CRACD: variants seen among roughly 807,000 people sequenced by gnomAD.
CRACD encodes the protein capping protein inhibiting regulator of actin dynamics.
In CRACD, 56 loss-of-function variants were observed where a neutral mutation model predicts 106.8. The ratio of observed to expected loss-of-function variants is 0.52; its 90% confidence interval spans 0.42 to 0.66. The LOEUF (loss-of-function observed/expected upper bound fraction) is 0.66. Ranked by LOEUF, CRACD falls within the 30% of genes least tolerant of loss-of-function variation. The pLI, the probability that CRACD is intolerant of heterozygous loss-of-function variation, is 0.00. For synonymous variants in CRACD, 754 were observed against 670.8 expected, an observed-to-expected ratio of 1.12 and a Z score of -1.92; for missense variants, 1,730 against 1,623.2, an observed-to-expected ratio of 1.07 and a Z score of -1.13.
chr4:56,184,983 G>A (rs1737020093), intron 2 of CRACD, among the ~76,000 whole-genome samples: 1 of 152,132 alleles, frequency 6.6e-6, no homozygotes, highest in Non-Finnish European at 1.5e-5. Context: ...TTGAGACGGA[G>A]TCTTGCTCAG....
Position 56,220,622 on chromosome 4 carries a change from A to AT in CRACD, c.-189+41204dup, listed in dbSNP as rs930827776. On this transcript the variant is annotated intron_variant, in intron 2 of 10. Transcript: ENST00000682029. Reference sequence around the variant, plus strand: ...AAATTCTTTGCAAGCCCGGCTTTTGATTTTTTTTTTTTGGAATTCCATTCT... The same window carrying AT: ...AAATTCTTTGCAAGCCCGGCTTTTGATTTTTTTTTTTTTGGAATTCCATTCT... Among the ~76,000 whole-genome samples, 489 of 145,402 alleles carry AT rather than the reference A, an allele frequency of 3.4e-3. 1 individual carries two copies. The highest frequency in any genetic ancestry group is 7.9e-3 in the African/African-American group (314 of 39,786).
intron 1 of CRACD, among the ~76,000 whole-genome samples, chr4:56,162,202 A>T (rs11944887): frequency 0.41 from 61,745 of 150,390 alleles, 13,137 homozygotes; most frequent in African/African-American, 0.53. Flanking sequence ...AATTATTATT[A>T]TTTTTTTTTA....
chr4:56,100,463 A>G (rs1733742754), intron 1 of CRACD, among the ~76,000 whole-genome samples: 1 of 152,200 alleles, frequency 6.6e-6, no homozygotes, highest in African/African-American at 2.4e-5. Flanking sequence ...GCCTCCCTTC[A>G]CAAACCTTCA....
At chr4:56,262,982 A>G (rs484305) in intron 2 of CRACD, among the ~76,000 whole-genome samples, 41,311 of 151,958 alleles carry the variant, frequency 0.27, 5,755 homozygotes, top group African/African-American at 0.31. Context: ...GTTGTTGAGC[A>G]TCTGGTTTGT....
At chr4:56,159,255 A>C (rs1158680569) in intron 1 of CRACD, among the ~76,000 whole-genome samples, 4 of 152,216 alleles carry the variant, frequency 2.6e-5, no homozygotes, top group Non-Finnish European at 4.4e-5. Context: ...TCGATTGATA[A>C]ATAAAAATTT....
intron 2 of CRACD, among the ~76,000 whole-genome samples, chr4:56,217,516 C>T (rs1738772197): frequency 6.6e-6 from 1 of 152,042 alleles, no homozygotes; most frequent in South Asian, 2.1e-4. Context: ...TTATTAAAGA[C>T]CTGGAATCAA....
chr4:56,151,564 C>T (rs930275857), intron 1 of CRACD, among the ~76,000 whole-genome samples: 1 of 151,892 alleles, frequency 6.6e-6, no homozygotes, highest in Non-Finnish European at 1.5e-5. Flanking sequence ...CATAATGCAG[C>T]CAACAAAAAA....
chr4:56,102,774 C>T lies in CRACD; in HGVS notation c.-336+53475C>T, dbSNP rs534336171. Among the ~76,000 whole-genome samples, 6 of 152,330 alleles carry T rather than the reference C, an allele frequency of 3.9e-5. No individual in the cohort carries two copies. In the South Asian group the frequency reaches 1.0e-3, roughly 26 times the overall value. On this transcript the variant is annotated intron_variant, in intron 1 of 10. Transcript: ENST00000682029. ...CTCCTGCTCTTCACACTCTGCTGATCCCTCTCTGCCAGCCACACTGGCTTT... is the reference window on the plus strand; with the variant it reads ...CTCCTGCTCTTCACACTCTGCTGATTCCTCTCTGCCAGCCACACTGGCTTT...
At chr4:56,244,605 T>C (rs989178345) in intron 2 of CRACD, among the ~76,000 whole-genome samples, 2 of 152,226 alleles carry the variant, frequency 1.3e-5, no homozygotes, top group African/African-American at 2.4e-5. Flanking sequence ...GACTCATTGA[T>C]AAATGGTCAT....
Position 56,216,934 on chromosome 4 carries a change from T to C in CRACD, c.-189+37504T>C, listed in dbSNP as rs536272070. ...AGCGGAGCTTGCAGTGAGCCGAGATTGCGCCACTGCAGTCCGCAGTCCGGC... is the reference window on the plus strand; with the variant it reads ...AGCGGAGCTTGCAGTGAGCCGAGATCGCGCCACTGCAGTCCGCAGTCCGGC... On this transcript the variant is annotated intron_variant, in intron 2 of 10. Coordinates refer to ENST00000682029, the MANE Select transcript of CRACD (RefSeq NM_001393381.1). Among the ~76,000 whole-genome samples, 14 of 140,846 alleles carry C rather than the reference T, an allele frequency of 9.9e-5. No individual in the cohort carries two copies. The South Asian group carries it at 3.1e-3, about 31-fold the overall frequency. The allele number at this position is 140,846 out of a possible 152,430, so 92.4% of individuals were successfully genotyped here.
At chr4:56,067,374 A>C (rs1732496813) in intron 1 of CRACD, among the ~76,000 whole-genome samples, 1 of 152,222 alleles carries the variant, frequency 6.6e-6, no homozygotes. Context: ...AAAACATGCC[A>C]CATAATATTC....
chr4:56,175,897 G>C (rs1736563456), intron 1 of CRACD, among the ~76,000 whole-genome samples: 2 of 152,104 alleles, frequency 1.3e-5, no homozygotes, highest in South Asian at 4.1e-4. Flanking sequence ...TTTTCTTGTA[G>C]TAGTTTCATA....
chr4:56,262,439 C>A (rs1192841599), intron 2 of CRACD, among the ~76,000 whole-genome samples: 2 of 152,242 alleles, frequency 1.3e-5, no homozygotes, highest in East Asian at 1.9e-4. Flanking sequence ...AGGCCACATG[C>A]AGCCCAGAAT....
At chr4:56,185,699 TATGGAGA>T (rs1222493190) in intron 2 of CRACD, among the ~76,000 whole-genome samples, 4 of 152,184 alleles carry the variant, frequency 2.6e-5, no homozygotes, top group African/African-American at 9.6e-5. Context: ...TCTGCAAGGA[TATGGAGA>T]ATTTGACTTC....
chr4:56,238,547 C>T (rs1740134114), intron 2 of CRACD, among the ~76,000 whole-genome samples: 1 of 152,212 alleles, frequency 6.6e-6, no homozygotes, highest in South Asian at 2.1e-4. Context: ...AATGGAACAG[C>T]ATCAACAACT....
At chr4:56,196,594 C>A (rs1737622688) in intron 2 of CRACD, among the ~76,000 whole-genome samples, 1 of 152,204 alleles carries the variant, frequency 6.6e-6, no homozygotes, top group South Asian at 2.1e-4. Flanking sequence ...GCAAAAGCAA[C>A]AGCTAAAGCA....
chr4:56,095,479 C>T (rs370871691), intron 1 of CRACD, among the ~76,000 whole-genome samples: 4 of 152,148 alleles, frequency 2.6e-5, no homozygotes, highest in East Asian at 1.9e-4. Context: ...CAGAAGGTAA[C>T]ATCTGAGCAA....
chr4:56,247,304 A>G (rs186044175), intron 2 of CRACD, among the ~76,000 whole-genome samples: 2 of 152,216 alleles, frequency 1.3e-5, no homozygotes, highest in African/African-American at 4.8e-5. Context: ...AATACAGTGA[A>G]GCAGTATTCT....
At chr4:56,162,341 T>G (rs1302027969) in intron 1 of CRACD, among the ~76,000 whole-genome samples, 2 of 152,088 alleles carry the variant, frequency 1.3e-5, no homozygotes, top group African/African-American at 4.8e-5. Context: ...ACTATAGATG[T>G]GCACCACCAT....
Sources: gnomAD v4.1 joint callset for allele counts (sites outside exome capture counted in the v4.1 genomes callset) on GRCh38, gnomAD v4.1.1 for gene constraint, MANE v1.5 for transcripts, NCBI Gene and HGNC (gene_info 2026-07-23, HGNC 2026-07-21) for gene names.